The following CLDN14 variants were observed in gnomAD, a reference collection of about 807,000 sequenced individuals.
CLDN14 encodes claudin 14, also known as claudin-14.
A neutral mutation model predicts 2.1 loss-of-function variants in CLDN14; 2 were observed. The observed-to-expected ratio is 0.96, with a 90% CI of 0.39 to 3.01. The LOEUF is 3.01. CLDN14 is among the 30% of genes most tolerant of loss of function. The probability of loss-of-function intolerance (pLI) is 0.09; values close to 1 mark genes in which losing one functional copy is unlikely to be tolerated. For missense variants in CLDN14, 298 were observed against 328.0 expected, an observed-to-expected ratio of 0.91 and a Z score of 0.71; for synonymous variants, 136 against 154.4, an observed-to-expected ratio of 0.88 and a Z score of 0.88.
At chr21:36,496,735 GAGGGAGGA>G (rs370785055) in intron 2 of CLDN14, among the ~76,000 whole-genome samples, 143 of 2,144 alleles carry the variant, frequency 0.067, 13 homozygotes, top group Non-Finnish European at 0.16. Context: ...GGGAGGAAGG[GAGGGAGGA>G]AGGAAGGGAG....
chr21:36,461,015 C>T lies in CLDN14; in HGVS notation c.681G>A (p.Ser227=), dbSNP rs763085148. 1.4e-5 allele frequency: 22 copies of T among 1,613,236 alleles called. No individual in the cohort carries two copies. The highest frequency in any genetic ancestry group is 6.7e-5 in the East Asian group (3 of 44,880). The stretch of plus-strand genomic sequence containing the variant: ...TCAGCCTGTACCCGCTGTGCGTGGC[C>T]GAGGTCACTGAGGGGGCCCGATTGT... ...YKDNRAPSVT[S]ATHSGYRLND... Residue 227 remains serine, a synonymous_variant, in exon 2 of 2, where the codon TCG becomes TCA. Transcript: ENST00000399135.
chr21:36,534,027 C>T lies in CLDN14; in HGVS notation c.-219-23527G>A, dbSNP rs575826676. On this transcript the variant is annotated intron_variant, in intron 1 of 2. Transcript: ENST00000342108. The stretch of plus-strand genomic sequence containing the variant: ...AATAAATTGGTAAGATCTGACGTGC[C>T]TGTGCAGCTGAGGACTAGAACTGAA... Among the ~76,000 whole-genome samples the T allele has an allele frequency of 9.8e-5, 15 of 152,308 alleles. No homozygotes were observed. In the South Asian group the frequency reaches 1.7e-3, roughly 17 times the overall value.
rs142629054 is a variant in CLDN14, at chr21:36,460,642, C to T, written c.*334G>A. On this transcript the variant is annotated 3_prime_UTR_variant, in exon 2 of 2. Coordinates refer to ENST00000399135, the MANE Select transcript of CLDN14 (RefSeq NM_001146079.2). This position sits in a 1 kb window ranked among gnomAD's most constrained non-coding sequence, Gnocchi z 4.0. ...TCCATTTCATAAACAGCCACATCCG[C>T]AAGGTTTATTCCTGGATCACAAACC... is the stretch of plus-strand genomic sequence containing the variant. 173 of 281,514 alleles carry T rather than the reference C, an allele frequency of 6.1e-4. No individual in the cohort carries two copies. Among genetic ancestry groups the T allele is most frequent in the African/African-American group, 3.4e-3 (155 of 45,258 alleles). 17.4% of individuals were successfully genotyped at this position (281,514 alleles called of 1,614,324 possible).
chr21:36,472,695 A>G (rs1437355348), intron 1 of CLDN14, among the ~76,000 whole-genome samples: 1 of 152,158 alleles, frequency 6.6e-6, no homozygotes, highest in Non-Finnish European at 1.5e-5. Context: ...TTTTCTCACA[A>G]TTCCGGAGGC....
rs562223579 is a variant in CLDN14, at chr21:36,549,242, CTT to C, written c.-220+27167_-220+27168del. Among the ~76,000 whole-genome samples, 252 of 149,874 alleles carry C rather than the reference CTT, an allele frequency of 1.7e-3. 6 individuals are homozygous for C. Among genetic ancestry groups the C allele is most frequent in the Admixed American group, 0.017 (252 of 14,998 alleles). On this transcript the variant is annotated intron_variant, in intron 1 of 2. Transcript: ENST00000342108. ...ACAGGGCTGTTGGCTTCAAGCAAGA[CTT>C]TTATATTCCTTCATGTGTGCATTAC...
intron 1 of CLDN14, among the ~76,000 whole-genome samples, chr21:36,539,817 C>T (rs774345238): frequency 3.8e-5 from 5 of 131,256 alleles, no homozygotes; most frequent in East Asian, 2.5e-4. Flanking sequence ...TGAGTGTGTG[C>T]GGAGTATGTC....
At chr21:36,521,868 G>A (rs2087273622) in intron 1 of CLDN14, among the ~76,000 whole-genome samples, 1 of 152,132 alleles carries the variant, frequency 6.6e-6, no homozygotes, top group African/African-American at 2.4e-5. Flanking sequence ...AAGGAAAATG[G>A]CAGCATCGTC....
chr21:36,526,867 C>T (rs1036070656), intron 1 of CLDN14, among the ~76,000 whole-genome samples: 3 of 152,188 alleles, frequency 2.0e-5, no homozygotes, highest in African/African-American at 7.2e-5. Flanking sequence ...ATCTCATTAG[C>T]ACAAATGTAC....
chr21:36,556,710 G>C (rs1005682174), intron 1 of CLDN14, among the ~76,000 whole-genome samples: 1 of 152,202 alleles, frequency 6.6e-6, no homozygotes, highest in African/African-American at 2.4e-5. Flanking sequence ...TTCTTGAAAA[G>C]TCTCAACCAA....
intron 1 of CLDN14, among the ~76,000 whole-genome samples, chr21:36,467,676 G>A (rs563063355): frequency 1.3e-5 from 2 of 152,282 alleles, no homozygotes; most frequent in African/African-American, 4.8e-5. Flanking sequence ...TTCTTGGAGG[G>A]GTGCAGGGAT....
rs540931089 is a variant in CLDN14 at position 36,498,793 on chromosome 21, G to A, written c.-82+11570C>T. On this transcript the variant is annotated intron_variant, in intron 2 of 2. Coordinates refer to the CLDN14 transcript ENST00000342108. The surrounding 1 kb of genome is among the most constrained non-coding windows in gnomAD (Gnocchi z 4.9). ...TTCAGGTCTGGGCCCCACTGGCTGC[G>A]TCTGCCTGGACACCATCAGCCCTGC... Among the ~76,000 whole-genome samples, 47 of 152,302 alleles carry A rather than the reference G, an allele frequency of 3.1e-4. No individual in the cohort carries two copies. In the South Asian group the frequency reaches 4.4e-3, roughly 14 times the overall value.
intron 1 of CLDN14, among the ~76,000 whole-genome samples, chr21:36,512,791 TCCTG>T (rs1030016409): frequency 1.6e-4 from 24 of 152,328 alleles, no homozygotes; most frequent in African/African-American, 5.8e-4. Context: ...CAGAGGTTCC[TCCTG>T]GGGAGGGAAG....
chr21:36,514,612 C>T (rs9981218), intron 1 of CLDN14, among the ~76,000 whole-genome samples: 123,447 of 149,334 alleles, frequency 0.83, 51,745 homozygotes, highest in Middle Eastern at 0.92. Flanking sequence ...AAAGTCTTAT[C>T]GTGAGAGAAA....
intron 1 of CLDN14, among the ~76,000 whole-genome samples, chr21:36,536,490 T>C (rs1892909): frequency 0.48 from 72,746 of 152,092 alleles, 19,576 homozygotes; most frequent in Middle Eastern, 0.62. Context: ...GTGAAAGAGG[T>C]GGCTGATTAT....
intron 1 of CLDN14, among the ~76,000 whole-genome samples, chr21:36,576,172 G>A (rs963763535): frequency 1.2e-4 from 18 of 152,050 alleles, no homozygotes; most frequent in African/African-American, 4.3e-4. Context: ...AGGCAGTCAG[G>A]GTCACTTAAA....
chr21:36,549,308 C>T (rs970522786), intron 1 of CLDN14, among the ~76,000 whole-genome samples: 1 of 151,990 alleles, frequency 6.6e-6, no homozygotes, highest in African/African-American at 2.4e-5. Context: ...CTCCCCACCC[C>T]TGCCCCCCTC....
intron 1 of CLDN14, among the ~76,000 whole-genome samples, chr21:36,477,939 A>G (rs1007970357): frequency 1.3e-5 from 2 of 152,238 alleles, no homozygotes; most frequent in Non-Finnish European, 2.9e-5. Context: ...AACGCCAAGA[A>G]TCATTCCTGA....
chr21:36,569,430 T>A (rs1393703953), intron 1 of CLDN14, among the ~76,000 whole-genome samples: 5 of 146,046 alleles, frequency 3.4e-5, no homozygotes, highest in Non-Finnish European at 7.6e-5. Context: ...AAAAAAAAAA[T>A]TAAGTAAATA....
intron 2 of CLDN14, among the ~76,000 whole-genome samples, chr21:36,509,310 A>C (rs958505228): frequency 6.6e-5 from 10 of 152,172 alleles, no homozygotes; most frequent in African/African-American, 2.2e-4. Context: ...CTGGGAATGG[A>C]AAGCAGGAGT....
Sources: gnomAD v4.1 joint callset for allele counts (sites outside exome capture counted in the v4.1 genomes callset) on GRCh38, gnomAD v4.1.1 for gene constraint, Gnocchi (gnomAD v3.1) non-coding constraint, MANE v1.5 for transcripts, NCBI Gene and HGNC (gene_info 2026-07-23, HGNC 2026-07-21) for gene names.